The following CSMD3 variants were observed in gnomAD, a reference collection of about 807,000 sequenced individuals.
The protein encoded by CSMD3 is CUB and sushi domain-containing protein 3.
CSMD3 carries 177 observed loss-of-function variants against 435.2 expected under a neutral mutation model. That is an observed-to-expected ratio of 0.41 (90% CI 0.36 to 0.46). The LOEUF is 0.46. Among genes scored for constraint, CSMD3 ranks in the 20% least tolerant of loss-of-function variants. CSMD3 has a pLI of 0.34. For synonymous variants in CSMD3, 1,656 were observed against 1,520.5 expected (o/e 1.09, Z -2.07); for missense variants, 4,265 against 4,504.6 (o/e 0.95, Z 1.52).
intron 35 of CSMD3, among the ~76,000 whole-genome samples, chr8:112,405,183 CAAA>C (rs1274747452): frequency 1.5e-4 from 1 of 6,768 alleles, no homozygotes; most frequent in African/African-American, 7.8e-4. Context: ...GACTCTCTCT[CAAA>C]AAAAAAAAAA....
intron 10 of CSMD3, among the ~76,000 whole-genome samples, chr8:112,883,971 G>T (rs985895700): frequency 4.0e-5 from 6 of 151,858 alleles, no homozygotes; most frequent in African/African-American, 1.4e-4. Flanking sequence ...AGTCTCTAAG[G>T]TAATAGTATG....
intron 4 of CSMD3, among the ~76,000 whole-genome samples, chr8:113,158,841 T>C (rs936981136): frequency 6.6e-6 from 1 of 152,060 alleles, no homozygotes; most frequent in Admixed American, 6.6e-5. Context: ...ACAATACAGA[T>C]ATTTTTATAC....
intron 32 of CSMD3, among the ~76,000 whole-genome samples, chr8:112,426,511 T>A (rs1158689463): frequency 6.6e-6 from 1 of 152,084 alleles, no homozygotes; most frequent in African/African-American, 2.4e-5. Flanking sequence ...CCCAAGAGCA[T>A]CTCCTAATTG....
intron 10 of CSMD3, among the ~76,000 whole-genome samples, chr8:112,909,163 A>G (rs1587643921): frequency 6.6e-6 from 1 of 151,720 alleles, no homozygotes; most frequent in Middle Eastern, 3.4e-3. Flanking sequence ...CTAAATATGA[A>G]TATTTATCAT....
At chr8:113,050,502 T>C (rs2131324319) in intron 5 of CSMD3, among the ~76,000 whole-genome samples, 1 of 152,160 alleles carries the variant, frequency 6.6e-6, no homozygotes, top group South Asian at 2.1e-4. Context: ...TACCACATCT[T>C]AAATAAGAAA....
Position 112,838,416 on chromosome 8 carries a change from T to G in CSMD3, c.1756-8627A>C, listed in dbSNP as rs529647692. Among the ~76,000 whole-genome samples, 4 of 151,870 alleles carry G rather than the reference T, an allele frequency of 2.6e-5. No individual in the cohort carries two copies. In the South Asian group the frequency reaches 6.2e-4, roughly 24 times the overall value. On this transcript the variant is annotated intron_variant, in intron 11 of 70. Coordinates refer to ENST00000297405, the MANE Select transcript of CSMD3 (RefSeq NM_198123.2). ...TATTTAATTTTTTACATGCTCATTT[T>G]GGCAGCAGGGACAATCTGGATTTGA...
chr8:113,246,362 T>C (rs2093276158), intron 3 of CSMD3, among the ~76,000 whole-genome samples: 1 of 152,078 alleles, frequency 6.6e-6, no homozygotes, highest in South Asian at 2.1e-4. Context: ...TAATCTCATC[T>C]AGCAAATTTT....
intron 17 of CSMD3, among the ~76,000 whole-genome samples, chr8:112,658,852 G>A (rs2075313986): frequency 6.6e-6 from 1 of 152,136 alleles, no homozygotes; most frequent in South Asian, 2.1e-4. Flanking sequence ...CTACTCGGGA[G>A]GCTGAGGCAC....
chr8:112,456,000 T>A (rs1492662), intron 32 of CSMD3, among the ~76,000 whole-genome samples: 64,659 of 151,596 alleles, frequency 0.43, 14,759 homozygotes, highest in Middle Eastern at 0.6. Flanking sequence ...TTTATTCATA[T>A]AAACCACACT....
chr8:113,431,854 T>A (rs534949880), intron 1 of CSMD3, among the ~76,000 whole-genome samples: 2 of 152,302 alleles, frequency 1.3e-5, no homozygotes, highest in East Asian at 3.9e-4. Context: ...TGTCTATTTG[T>A]TATTTCACTG....
At chr8:113,375,782 C>A (rs1158634447) in intron 1 of CSMD3, among the ~76,000 whole-genome samples, 1 of 151,826 alleles carries the variant, frequency 6.6e-6, no homozygotes, top group Non-Finnish European at 1.5e-5. Flanking sequence ...AAATGACCGA[C>A]ATAAAAATTA....
At chr8:113,351,925 A>T (rs933953225) in intron 1 of CSMD3, among the ~76,000 whole-genome samples, 3 of 152,156 alleles carry the variant, frequency 2.0e-5, no homozygotes, top group African/African-American at 7.2e-5. Flanking sequence ...TTTGTCTTCA[A>T]TTGCTTAATG....
At chr8:112,243,787 A>G (rs560686184) in intron 65 of CSMD3, among the ~76,000 whole-genome samples, 6 of 152,248 alleles carry the variant, frequency 3.9e-5, no homozygotes, top group African/African-American at 1.4e-4. Flanking sequence ...GTAATTAACT[A>G]GAGATCTTGG....
Position 112,492,533 on chromosome 8 carries a change from T to A in CSMD3, c.5234A>T (p.Asp1745Val), listed in dbSNP as rs779621725. 6.2e-7 allele frequency: 1 copy of A among 1,613,958 alleles called. No homozygotes were observed. Among genetic ancestry groups the A allele is most frequent in the Admixed American group, 1.7e-5 (1 of 60,014 alleles). Reference sequence around the variant, plus strand: ...TCTATTCCATCCAGGTCTTCCATCATCTCCCATGATACAGGTGAGTGTTGA... The same window carrying A: ...TCTATTCCATCCAGGTCTTCCATCAACTCCCATGATACAGGTGAGTGTTGA... Reference protein sequence around the residue: ...GYSTLTCIMGDDGRPGWNRAL... With the variant: ...GYSTLTCIMGVDGRPGWNRAL... Residue 1745 changes from aspartate to valine, a missense_variant, in exon 31 of 71, where the codon GAT becomes GTT. Physicochemically the swap from Asp to Val is radical, Grantham distance 152 (BLOSUM62 -3). Coordinates refer to ENST00000297405, the MANE Select transcript of CSMD3 (RefSeq NM_198123.2).
chr8:112,405,767 T>G (rs2130006441), intron 35 of CSMD3, among the ~76,000 whole-genome samples: 1 of 152,214 alleles, frequency 6.6e-6, no homozygotes, highest in African/African-American at 2.4e-5. Context: ...TCTAATTCTT[T>G]TGATGACCAA....
chr8:112,996,438 T>C (rs1236065539), intron 6 of CSMD3, among the ~76,000 whole-genome samples: 4 of 151,844 alleles, frequency 2.6e-5, no homozygotes, highest in Non-Finnish European at 5.9e-5. Flanking sequence ...ATTTTGAATG[T>C]GACTGCACAG....
At chr8:112,904,244 T>C (rs1448162923) in intron 10 of CSMD3, among the ~76,000 whole-genome samples, 2 of 151,394 alleles carry the variant, frequency 1.3e-5, no homozygotes, top group African/African-American at 4.8e-5. Flanking sequence ...AATGATGATA[T>C]ATTGTATTCT....
At chr8:112,729,702 A>T (rs2077036646) in intron 13 of CSMD3, among the ~76,000 whole-genome samples, 1 of 152,086 alleles carries the variant, frequency 6.6e-6, no homozygotes, top group Non-Finnish European at 1.5e-5. Flanking sequence ...CTTAAAAGGG[A>T]TTATTTTTTC....
At chr8:112,360,151 C>T (rs1284241418) in intron 38 of CSMD3, among the ~76,000 whole-genome samples, 2 of 151,924 alleles carry the variant, frequency 1.3e-5, no homozygotes, top group Non-Finnish European at 2.9e-5. Flanking sequence ...CTTGGGAGTC[C>T]TGAACAGTAA....
Sources: gnomAD v4.1 joint callset for allele counts (sites outside exome capture counted in the v4.1 genomes callset) on GRCh38, gnomAD v4.1.1 for gene constraint, MANE v1.5 for transcripts, NCBI Gene and HGNC (gene_info 2026-07-23, HGNC 2026-07-21) for gene names.